The following PINX1 variants were observed in gnomAD, a reference collection of about 807,000 sequenced individuals.
PINX1 encodes PIN2/TERF1-interacting telomerase inhibitor 1.
A neutral mutation model predicts 25.4 loss-of-function variants in PINX1; 34 were observed. That is an observed-to-expected ratio of 1.34 (90% CI 1.02 to 1.78). The LOEUF (loss-of-function observed/expected upper bound fraction) is 1.78, where lower values mean the gene tolerates loss of function less well. Among genes scored for constraint, PINX1 ranks in the 40% most tolerant of loss-of-function variants. The probability of loss-of-function intolerance (pLI) is 0.00; values close to 1 mark genes in which losing one functional copy is unlikely to be tolerated. For synonymous variants in PINX1, 197 were observed against 147.7 expected (o/e 1.33, Z -2.42); for missense variants, 592 against 404.9 (o/e 1.46, Z -3.97).
chr8:10,833,809 C>T (rs1798307676), intron 2 of PINX1: 1 of 158,214 alleles, frequency 6.3e-6, no homozygotes, highest in South Asian at 1.7e-4. Flanking sequence ...GCGGAGGAAT[C>T]AAGCATGACT....
At chr8:10,789,782 G>A (rs1280949220) in intron 6 of PINX1, among the ~76,000 whole-genome samples, 1 of 152,014 alleles carries the variant, frequency 6.6e-6, no homozygotes, top group African/African-American at 2.4e-5. Context: ...ACACCACTGA[G>A]ACCACACACA....
At chr8:10,773,267 T>C (rs1801287164) in intron 6 of PINX1, among the ~76,000 whole-genome samples, 2 of 152,212 alleles carry the variant, frequency 1.3e-5, no homozygotes, top group African/African-American at 2.4e-5. Flanking sequence ...TGGAGGACGC[T>C]GGGCTTTGAC....
chr8:10,783,877 G>T (rs1164740301), intron 6 of PINX1, among the ~76,000 whole-genome samples: 1 of 152,200 alleles, frequency 6.6e-6, no homozygotes, highest in East Asian at 1.9e-4. Flanking sequence ...ATTCAAGCCT[G>T]ATCCTAACAT....
intron 6 of PINX1, among the ~76,000 whole-genome samples, chr8:10,776,093 G>A (rs1473284445): frequency 6.6e-6 from 1 of 152,134 alleles, no homozygotes; most frequent in East Asian, 1.9e-4. Flanking sequence ...TAAGTCCATA[G>A]CACTCAGTAA....
rs754537480 is a variant in PINX1 at position 10,820,195 on chromosome 8, C to T, written c.469G>A (p.Glu157Lys). 21 of 1,600,690 alleles carry T rather than the reference C, an allele frequency of 1.3e-5. No individual in the cohort carries two copies. The Middle Eastern group carries it at 5.0e-4, about 38-fold the overall frequency. The change falls in exon 6 of 7, where the codon GAG becomes AAG. Residue 157 changes from glutamate to lysine, a missense_variant and splice_region_variant. Coordinates refer to ENST00000314787, the MANE Select transcript of PINX1 (RefSeq NM_017884.6). The stretch of plus-strand genomic sequence containing the variant: ...GGAAACTGTACGTGGCTTTATACCT[C>T]GGGAGTCTTCTTACTCTGTCTTTTC... The part of the protein sequence containing the change: ...FGKRQSKKTP[E>K]GDASPSTPEE...
intron 6 of PINX1, among the ~76,000 whole-genome samples, chr8:10,814,093 C>G (rs540014983): frequency 1.3e-5 from 2 of 152,294 alleles, no homozygotes; most frequent in Admixed American, 1.3e-4. Flanking sequence ...CTGGGAATCT[C>G]AATTCATTAT....
rs146274544 is a variant in PINX1 at position 10,798,850 on chromosome 8, G to C, written c.471+21343C>G. 5.7e-3 allele frequency among the ~76,000 whole-genome samples: 861 copies of C among 152,270 alleles called. 11 individuals carry two copies. The highest frequency in any genetic ancestry group is 0.02 in the African/African-American group (827 of 41,544). ...AGCCTACAATATGCATTTCTAATAA[G>C]TCCACCGGGTGATTCTGCCAGCTTA... On this transcript the variant is annotated intron_variant, in intron 6 of 6. Transcript: ENST00000314787.
chr8:10,795,195 A>G (rs1563215059), intron 6 of PINX1, among the ~76,000 whole-genome samples: 1 of 152,202 alleles, frequency 6.6e-6, no homozygotes, highest in Non-Finnish European at 1.5e-5. Flanking sequence ...AAAATTCACC[A>G]AATCTCCAGG....
chr8:10,791,803 G>C (rs1015593786), intron 6 of PINX1, among the ~76,000 whole-genome samples: 3 of 152,148 alleles, frequency 2.0e-5, no homozygotes, highest in Non-Finnish European at 4.4e-5. Flanking sequence ...CCAGCACTGC[G>C]CGAGGCAAAG....
intron 6 of PINX1, among the ~76,000 whole-genome samples, chr8:10,807,623 T>C (rs1238643973): frequency 6.6e-5 from 10 of 152,122 alleles, no homozygotes; most frequent in Non-Finnish European, 1.3e-4. Context: ...AACAGGTCTG[T>C]GCTAAGGACT....
At chr8:10,789,589 AGAG>A (rs1801858555) in intron 6 of PINX1, among the ~76,000 whole-genome samples, 1 of 152,224 alleles carries the variant, frequency 6.6e-6, no homozygotes. Flanking sequence ...GGCAGTGGTC[AGAG>A]GAGTAGCATT....
intron 6 of PINX1, among the ~76,000 whole-genome samples, chr8:10,800,597 A>G (rs980615027): frequency 2.6e-5 from 4 of 151,862 alleles, no homozygotes; most frequent in African/African-American, 9.7e-5. Flanking sequence ...AGCCTCCTGA[A>G]TAGCTGGGAT....
chr8:10,774,617 G>A (rs1211144985), intron 6 of PINX1, among the ~76,000 whole-genome samples: 1 of 152,166 alleles, frequency 6.6e-6, no homozygotes, highest in Non-Finnish European at 1.5e-5. Context: ...TATTCATTTT[G>A]AAACTAGGAA....
At chr8:10,820,905 T>C (rs906175551) in intron 5 of PINX1, among the ~76,000 whole-genome samples, 1 of 152,242 alleles carries the variant, frequency 6.6e-6, no homozygotes. Flanking sequence ...AAAAGCTACA[T>C]AGGGAGAGTA....
intron 6 of PINX1, among the ~76,000 whole-genome samples, chr8:10,789,820 T>C (rs1350506793): frequency 6.6e-6 from 1 of 152,136 alleles, no homozygotes; most frequent in Non-Finnish European, 1.5e-5. Context: ...AGCTTTTCAC[T>C]GTGGTTATCT....
intron 6 of PINX1, among the ~76,000 whole-genome samples, chr8:10,772,210 G>A (rs531682075): frequency 6.6e-6 from 1 of 152,380 alleles, no homozygotes; most frequent in East Asian, 1.9e-4. Flanking sequence ...GAGAACAGCA[G>A]TGGGATGGAA....
chr8:10,773,406 G>C (rs1266280102), intron 6 of PINX1, among the ~76,000 whole-genome samples: 3 of 152,160 alleles, frequency 2.0e-5, no homozygotes, highest in Non-Finnish European at 4.4e-5. Context: ...GAAAAAATTT[G>C]TTTAAAAAGT....
At chr8:10,818,832 G>A (rs1438853312) in intron 6 of PINX1, among the ~76,000 whole-genome samples, 5 of 152,164 alleles carry the variant, frequency 3.3e-5, no homozygotes, top group African/African-American at 9.7e-5. Context: ...CTGAGGACAC[G>A]GAGACGACTG....
chr8:10,800,156 A>G (rs557257019), intron 6 of PINX1, among the ~76,000 whole-genome samples: 6 of 152,230 alleles, frequency 3.9e-5, no homozygotes, highest in African/African-American at 1.4e-4. Context: ...TGTCACTTCC[A>G]CAAAGTGAGA....
Sources: gnomAD v4.1 joint callset for allele counts (sites outside exome capture counted in the v4.1 genomes callset) on GRCh38, gnomAD v4.1.1 for gene constraint, MANE v1.5 for transcripts, NCBI Gene and HGNC (gene_info 2026-07-23, HGNC 2026-07-21) for gene names.